ADARB2: variants seen among roughly 807,000 people sequenced by gnomAD.
The protein encoded by ADARB2 is adenosine deaminase RNA specific B2 (inactive), also known as inactive double-stranded RNA-specific editase B2.
ADARB2 carries 25 observed loss-of-function variants against 62.2 expected under a neutral mutation model. The observed-to-expected ratio is 0.40, with a 90% CI of 0.29 to 0.56. ADARB2 has a LOEUF of 0.56. Among genes scored for constraint, ADARB2 ranks in the 20% least tolerant of loss-of-function variants. The pLI is 0.43. For synonymous variants in ADARB2, 572 were observed against 500.8 expected (o/e 1.14, Z -1.90); for missense variants, 1,071 against 1,077.4 (o/e 0.99, Z 0.08).
chr10:1,314,479 T>C (rs7908948), intron 3 of ADARB2, among the ~76,000 whole-genome samples: 1 of 145,998 alleles, frequency 6.8e-6, no homozygotes, highest in Admixed American at 6.9e-5. Context: ...GGTCCACCTC[T>C]TCCTTCCCAC....
intron 5 of ADARB2, chr10:1,240,380 A>T (rs1363306957): frequency 2.0e-5 from 3 of 150,508 alleles, no homozygotes; most frequent in Non-Finnish European, 2.9e-5. Context: ...CTTCCTGGCC[A>T]TCTACCTTCT....
At chr10:1,552,621 T>A (rs973307503) in intron 1 of ADARB2, among the ~76,000 whole-genome samples, 1 of 140,374 alleles carries the variant, frequency 7.1e-6, no homozygotes, top group Non-Finnish European at 1.5e-5. Flanking sequence ...AGCCTTTTTC[T>A]GGCCTGGTCC....
At chr10:1,609,813 G>A (rs1156671878) in intron 1 of ADARB2, among the ~76,000 whole-genome samples, 3 of 152,200 alleles carry the variant, frequency 2.0e-5, no homozygotes, top group Non-Finnish European at 2.9e-5. Flanking sequence ...TCATGACCAC[G>A]CGTAGCGTTA....
intron 1 of ADARB2, among the ~76,000 whole-genome samples, chr10:1,686,506 C>T (rs1355894081): frequency 6.6e-6 from 1 of 152,180 alleles, no homozygotes; most frequent in African/African-American, 2.4e-5. Context: ...TGATAAGAAA[C>T]AAGGCTGTGG....
chr10:1,353,605 C>T lies in ADARB2; in HGVS notation c.1077+9423G>A, dbSNP rs546757868. 2.0e-5 allele frequency among the ~76,000 whole-genome samples: 3 copies of T among 152,298 alleles called. No individual in the cohort carries two copies. In the South Asian group the frequency reaches 6.2e-4, roughly 32 times the overall value. On this transcript the variant is annotated intron_variant, in intron 3 of 9. Transcript: ENST00000381312. ...CTCATTATATCAACTCTACTCCGCC[C>T]ATATTTGGACCTCTCACGACACAAA...
intron 3 of ADARB2, among the ~76,000 whole-genome samples, chr10:1,344,435 T>C (rs971609949): frequency 1.3e-5 from 2 of 152,200 alleles, no homozygotes; most frequent in African/African-American, 4.8e-5. Flanking sequence ...GGAATAACCC[T>C]GCCTTTAGTA....
chr10:1,730,665 TTC>T (rs1047894119), intron 1 of ADARB2, among the ~76,000 whole-genome samples: 3 of 136,652 alleles, frequency 2.2e-5, no homozygotes, highest in Non-Finnish European at 5.0e-5. Context: ...CATGTTACTC[TTC>T]TTTTTTTATA....
intron 1 of ADARB2, among the ~76,000 whole-genome samples, chr10:1,572,251 G>A (rs12778076): frequency 6.6e-6 from 1 of 151,778 alleles, no homozygotes; most frequent in African/African-American, 2.4e-5. Flanking sequence ...ATGCAGGTGA[G>A]TGTGCTGGTG....
At chr10:1,401,486 G>A (rs550150964) in intron 1 of ADARB2, among the ~76,000 whole-genome samples, 30 of 152,302 alleles carry the variant, frequency 2.0e-4, no homozygotes, top group African/African-American at 6.3e-4. Flanking sequence ...GCTGTTCGGG[G>A]CCTCCGGTGA....
At chr10:1,508,740 A>T (rs1243098781) in intron 1 of ADARB2, among the ~76,000 whole-genome samples, 3 of 152,320 alleles carry the variant, frequency 2.0e-5, no homozygotes, top group Non-Finnish European at 4.4e-5. Flanking sequence ...CTGAGATCAC[A>T]CCACTACACT....
At chr10:1,451,563 A>G (rs1174497261) in intron 1 of ADARB2, among the ~76,000 whole-genome samples, 3 of 151,688 alleles carry the variant, frequency 2.0e-5, no homozygotes, top group African/African-American at 7.3e-5. Flanking sequence ...ACACACCTGT[A>G]TGAGGAGGGG....
intron 1 of ADARB2, among the ~76,000 whole-genome samples, chr10:1,684,246 G>A (rs1053927375): frequency 1.3e-5 from 2 of 152,146 alleles, no homozygotes; most frequent in Non-Finnish European, 2.9e-5. Context: ...CTGAGAAGAT[G>A]GTGGAAAAAC....
chr10:1,532,494 G>A (rs772705394), intron 1 of ADARB2, among the ~76,000 whole-genome samples: 1 of 152,072 alleles, frequency 6.6e-6, no homozygotes, highest in Admixed American at 6.6e-5. Flanking sequence ...CTTCTGCTGT[G>A]GGCCTGTAGC....
At chr10:1,384,400 A>T (rs532140199) in intron 1 of ADARB2, among the ~76,000 whole-genome samples, 2 of 152,182 alleles carry the variant, frequency 1.3e-5, no homozygotes, top group Admixed American at 6.5e-5. Flanking sequence ...AGAAGACAGG[A>T]GTGTGTGAAG....
chr10:1,275,273 A>T (rs1211497060), intron 3 of ADARB2, among the ~76,000 whole-genome samples: 1 of 152,108 alleles, frequency 6.6e-6, no homozygotes, highest in African/African-American at 2.4e-5. Context: ...GCTGGTAGAG[A>T]TGGCCTTGAA....
intron 1 of ADARB2, among the ~76,000 whole-genome samples, chr10:1,735,948 A>G (rs570402808): frequency 3.0e-4 from 46 of 152,350 alleles, no homozygotes; most frequent in Non-Finnish European, 5.4e-4. Flanking sequence ...TCTTAGGCCA[A>G]TGCAAAGATG....
At chr10:1,290,589 C>G (rs1439477826) in intron 3 of ADARB2, 1 of 152,212 alleles carries the variant, frequency 6.6e-6, no homozygotes, top group Non-Finnish European at 1.5e-5. Flanking sequence ...GAGGTGCCTT[C>G]CAAGGGCTTT....
At chr10:1,695,897 G>A (rs775591832) in intron 1 of ADARB2, among the ~76,000 whole-genome samples, 5 of 152,002 alleles carry the variant, frequency 3.3e-5, no homozygotes, top group Non-Finnish European at 7.4e-5. Context: ...CATGCATGAG[G>A]GCACACACGT....
At chr10:1,326,473 G>A (rs770071049) in intron 3 of ADARB2, among the ~76,000 whole-genome samples, 68 of 152,190 alleles carry the variant, frequency 4.5e-4, no homozygotes, top group Non-Finnish European at 8.5e-4. Context: ...TGCTAATTCC[G>A]TTTCTGTCAC....
Sources: allele counts gnomAD v4.1 joint callset (sites outside exome capture counted in the v4.1 genomes callset), GRCh38; gene constraint gnomAD v4.1.1; transcripts MANE v1.5; gene names NCBI Gene and HGNC (gene_info 2026-07-23, HGNC 2026-07-21).